Variants in UBE3D observed in about 807,000 individuals in gnomAD.
UBE3D encodes the protein ubiquitin protein ligase E3D.
UBE3D carries 48 observed loss-of-function variants against 49.6 expected under a neutral mutation model. That is an observed-to-expected ratio of 0.97 (90% CI 0.77 to 1.23). The LOEUF (loss-of-function observed/expected upper bound fraction) is 1.23, where lower values mean the gene tolerates loss of function less well. Among genes scored for constraint, UBE3D ranks in the 50% most tolerant of loss-of-function variants. UBE3D has a pLI of 0.00. For synonymous variants in UBE3D, 189 were observed against 174.2 expected (o/e 1.08, Z -0.67); for missense variants, 452 against 468.4 (o/e 0.96, Z 0.32).
At chr6:82,921,946 C>T (rs1460678231) in intron 9 of UBE3D, among the ~76,000 whole-genome samples, 1 of 152,064 alleles carries the variant, frequency 6.6e-6, no homozygotes, top group Non-Finnish European at 1.5e-5. Context: ...TCCTAGGCTA[C>T]AAGAGACTTT....
Position 82,892,697 on chromosome 6 carries a change from C to T in UBE3D, c.*325G>A, listed in dbSNP as rs80095954. ...ATTCCACACAGGACAGATGGATCTC[C>T]ATTAGGTAATAACCTTCCAGGTGGT... On this transcript the variant is annotated 3_prime_UTR_variant, in exon 10 of 10. Transcript: ENST00000369747. 0.012 allele frequency: 4,292 copies of T among 365,288 alleles called. 158 individuals are homozygous for T. Among genetic ancestry groups the T allele is most frequent in the African/African-American group, 0.083 (3,971 of 47,742 alleles). 22.6% of individuals were successfully genotyped at this position (365,288 alleles called of 1,614,324 possible). A position where few individuals can be genotyped will look rare whatever the true frequency, so the allele number is the denominator to read the frequency against.
At chr6:83,046,479 A>G (rs1309697604) in intron 3 of UBE3D, among the ~76,000 whole-genome samples, 1 of 152,136 alleles carries the variant, frequency 6.6e-6, no homozygotes, top group African/African-American at 2.4e-5. Context: ...CTGAGAAGTG[A>G]TTCTTTCAAC....
intron 8 of UBE3D, among the ~76,000 whole-genome samples, chr6:82,957,975 A>T (rs990855388): frequency 6.6e-6 from 1 of 152,218 alleles, no homozygotes; most frequent in Non-Finnish European, 1.5e-5. Context: ...AACAGCCCCA[A>T]CTTATAATAC....
chr6:83,048,375 C>T (rs529043142), intron 3 of UBE3D, among the ~76,000 whole-genome samples: 1 of 152,220 alleles, frequency 6.6e-6, no homozygotes, highest in Admixed American at 6.5e-5. Context: ...AATAAATTGC[C>T]TGTTTAGAGT....
At chr6:83,051,112 C>A (rs1783440112) in intron 3 of UBE3D, among the ~76,000 whole-genome samples, 2 of 152,178 alleles carry the variant, frequency 1.3e-5, no homozygotes, top group Admixed American at 6.5e-5. Flanking sequence ...ATTTAAAAGA[C>A]CTTGTCGAGC....
intron 8 of UBE3D, among the ~76,000 whole-genome samples, chr6:82,999,267 C>T (rs1269109147): frequency 6.6e-6 from 1 of 152,218 alleles, no homozygotes; most frequent in Non-Finnish European, 1.5e-5. Flanking sequence ...GCTCCTGAGG[C>T]TGGTCGGTCC....
At chr6:83,012,839 C>G (rs1172692275) in intron 8 of UBE3D, among the ~76,000 whole-genome samples, 1 of 152,214 alleles carries the variant, frequency 6.6e-6, no homozygotes, top group African/African-American at 2.4e-5. Context: ...GGGAAAAGTT[C>G]CCTTCATTGC....
At chr6:82,908,535 A>C (rs533640434) in intron 9 of UBE3D, among the ~76,000 whole-genome samples, 1 of 152,316 alleles carries the variant, frequency 6.6e-6, no homozygotes, top group Non-Finnish European at 1.5e-5. Context: ...AGCTACTGAA[A>C]TACGAAAATA....
intron 9 of UBE3D, among the ~76,000 whole-genome samples, chr6:82,933,106 T>C (rs1228660818): frequency 6.6e-5 from 10 of 152,154 alleles, no homozygotes; most frequent in Non-Finnish European, 1.5e-4. Context: ...ACTAACAAAA[T>C]GGTTTATAAC....
At position 82,939,054 on chromosome 6, in the gene UBE3D, C is replaced by G. The variant is rs149407430; in HGVS notation, c.1149+18258G>C. ...AGGTGACCGAGTGAGACTGGACACC[C>G]TGTCTATTAAAAAAAAAAAAAAGAA... On this transcript the variant is annotated intron_variant, in intron 9 of 9. Coordinates refer to ENST00000369747, the MANE Select transcript of UBE3D (RefSeq NM_198920.3). Among the ~76,000 whole-genome samples, 147 of 151,316 alleles carry G rather than the reference C, an allele frequency of 9.7e-4. No homozygotes were observed. In the East Asian group the frequency reaches 0.023, roughly 24 times the overall value.
intron 9 of UBE3D, among the ~76,000 whole-genome samples, chr6:82,954,216 C>T (rs1448162696): frequency 6.6e-6 from 1 of 152,134 alleles, no homozygotes; most frequent in Non-Finnish European, 1.5e-5. Flanking sequence ...ATAAGTCCAT[C>T]CATCTTCTTG....
At chr6:82,921,678 G>A (rs1193796356) in intron 9 of UBE3D, among the ~76,000 whole-genome samples, 1 of 152,164 alleles carries the variant, frequency 6.6e-6, no homozygotes, top group Non-Finnish European at 1.5e-5. Context: ...CCACTCATGG[G>A]CATGTTTGGG....
the UBE3D span, among the ~76,000 whole-genome samples, chr6:82,882,867 G>A: frequency 6.6e-6 from 1 of 152,066 alleles, no homozygotes; most frequent in Non-Finnish European, 1.5e-5. Context: ...GCCAGTGCTT[G>A]CTCCGCCCCA....
chr6:83,036,821 A>C (rs1040763264), intron 5 of UBE3D: 10 of 151,400 alleles, frequency 6.6e-5, no homozygotes, highest in Admixed American at 5.3e-4. Context: ...ACAGCCTTGA[A>C]CCCCTGGGCT....
chr6:82,955,363 G>A (rs184707726), intron 9 of UBE3D, among the ~76,000 whole-genome samples: 11 of 152,186 alleles, frequency 7.2e-5, no homozygotes, highest in Admixed American at 3.9e-4. Flanking sequence ...CCAATACGCC[G>A]TAAAATCCTT....
intron 5 of UBE3D, among the ~76,000 whole-genome samples, chr6:83,027,159 TG>T (rs1359922191): frequency 2.0e-5 from 3 of 151,862 alleles, no homozygotes; most frequent in Non-Finnish European, 4.4e-5. Flanking sequence ...CACTATGGGC[TG>T]GGCGCAGTGG....
chr6:82,891,102 T>C (rs1770970989), downstream of UBE3D, among the ~76,000 whole-genome samples: 1 of 152,238 alleles, frequency 6.6e-6, no homozygotes, highest in Non-Finnish European at 1.5e-5. Context: ...AGAAAAAGAT[T>C]CAGATTTTGT....
intron 3 of UBE3D, among the ~76,000 whole-genome samples, chr6:83,051,360 G>A (rs1050905774): frequency 8.5e-5 from 13 of 152,292 alleles, no homozygotes; most frequent in African/African-American, 2.9e-4. Context: ...TTCCATGACT[G>A]TAAAAGGGAC....
intron 8 of UBE3D, among the ~76,000 whole-genome samples, chr6:83,015,521 G>T (rs1780635872): frequency 6.6e-6 from 1 of 152,168 alleles, no homozygotes; most frequent in South Asian, 2.1e-4. Context: ...CCAACTCTAT[G>T]TTCCTTCCAC....
Sources: gnomAD v4.1 joint callset for allele counts (sites outside exome capture counted in the v4.1 genomes callset) on GRCh38, gnomAD v4.1.1 for gene constraint, MANE v1.5 for transcripts, NCBI Gene and HGNC (gene_info 2026-07-23, HGNC 2026-07-21) for gene names.